The following DNA2 variants were observed in gnomAD, a reference collection of about 807,000 sequenced individuals.
The protein encoded by DNA2 is DNA replication helicase/nuclease 2.
A neutral mutation model predicts 119.1 loss-of-function variants in DNA2; 101 were observed. That is an observed-to-expected ratio of 0.85 (90% CI 0.72 to 1.00). The LOEUF (loss-of-function observed/expected upper bound fraction) is 1.00. Among genes scored for constraint, DNA2 ranks in the 50% least tolerant of loss-of-function variants. The probability of loss-of-function intolerance (pLI) is 0.00; values close to 1 mark genes in which losing one functional copy is unlikely to be tolerated. For synonymous variants in DNA2, 366 were observed against 424.4 expected (o/e 0.86, Z 1.69); for missense variants, 1,121 against 1,255.5 (o/e 0.89, Z 1.62).
chr10:68,426,320 C>A (rs1402817994), intron 14 of DNA2, among the ~76,000 whole-genome samples: 1 of 149,488 alleles, frequency 6.7e-6, no homozygotes, highest in Non-Finnish European at 1.5e-5. Flanking sequence ...GGCGGATCAC[C>A]TGAGGTCAGA....
At chr10:68,431,181 G>T (rs1300493691) in intron 13 of DNA2, among the ~76,000 whole-genome samples, 1 of 140,536 alleles carries the variant, frequency 7.1e-6, no homozygotes, top group African/African-American at 2.8e-5. Flanking sequence ...GATCCACCTC[G>T]CCTGGCTCAC....
chr10:68,453,297 G>A (rs2052143547), intron 5 of DNA2, among the ~76,000 whole-genome samples: 1 of 152,154 alleles, frequency 6.6e-6, no homozygotes, highest in African/African-American at 2.4e-5. Context: ...TTCTAAATGT[G>A]TTAATTTCCT....
chr10:68,430,435 C>T lies in DNA2; in HGVS notation c.2208+1G>A. 1 of 1,579,596 alleles carries T rather than the reference C, an allele frequency of 6.3e-7. No individual in the cohort carries two copies. Among genetic ancestry groups the T allele is most frequent in the Non-Finnish European group, 8.7e-7 (1 of 1,156,014 alleles). Reference sequence around the variant, plus strand: ...TATTATTATACAATAATTGTGCTTACTTGACTATTGTAGAGTTCTTCTAGA... The same window carrying T: ...TATTATTATACAATAATTGTGCTTATTTGACTATTGTAGAGTTCTTCTAGA... On this transcript the variant is annotated splice_donor_variant, in intron 14 of 20. Transcript: ENST00000358410. LOFTEE classifies it high-confidence loss of function.
intron 4 of DNA2, among the ~76,000 whole-genome samples, chr10:68,461,252 A>AT (rs537644180): frequency 3.8e-4 from 58 of 152,320 alleles, no homozygotes; most frequent in African/African-American, 1.2e-3. Flanking sequence ...ATATGAATAC[A>AT]TTTTTTATCA....
chr10:68,463,227 G>A (rs1425612653), intron 4 of DNA2, among the ~76,000 whole-genome samples: 8 of 151,898 alleles, frequency 5.3e-5, no homozygotes, highest in East Asian at 1.9e-4. Flanking sequence ...GGTGGATCAC[G>A]AGGTCAGGAG....
intron 17 of DNA2, among the ~76,000 whole-genome samples, chr10:68,420,699 AT>A (rs71009059): frequency 0.077 from 10,770 of 139,730 alleles, 568 homozygotes; most frequent in African/African-American, 0.16. Context: ...AGCAATCTTG[AT>A]TTTTTTTTTT....
Position 68,416,737 on chromosome 10 carries a change from A to G in DNA2, c.3086T>C (p.Leu1029Pro). ...TTTTTCTGAGTTTAAATGATTAAGCAGCTTCTCCAAAGGAGGATAGCAATT... is the reference window on the plus strand; with the variant it reads ...TTTTTCTGAGTTTAAATGATTAAGCGGCTTCTCCAAAGGAGGATAGCAATT... Reference protein sequence around the residue: ...SLNCYPPLEKLLNHLNSEKLI... With the variant: ...SLNCYPPLEKPLNHLNSEKLI... Residue 1029 changes from leucine to proline, a missense_variant, in exon 20 of 21, where the codon CTG becomes CCG. Leu to Pro is a moderately conservative substitution (Grantham distance 98). Coordinates refer to ENST00000358410, the MANE Select transcript of DNA2 (RefSeq NM_001080449.3). The G allele has an allele frequency of 6.2e-7, 1 of 1,613,844 alleles. No homozygotes were observed.
chr10:68,442,356 T>A (rs1325376956), intron 9 of DNA2, among the ~76,000 whole-genome samples: 3 of 151,840 alleles, frequency 2.0e-5, no homozygotes, highest in Non-Finnish European at 4.4e-5. Flanking sequence ...GTAGCTGGGA[T>A]TAAAGGCGCC....
intron 7 of DNA2, 105 bp downstream of exon 7, chr10:68,446,191 A>T: frequency 1.6e-6 from 1 of 628,658 alleles, no homozygotes; most frequent in Non-Finnish European, 2.7e-6. Context: ...ACAAATTATA[A>T]CCTATTAAGT....
chr10:68,442,956 T>C lies in DNA2; in HGVS notation c.1376A>G (p.Lys459Arg), dbSNP rs781046312. 2 of 1,612,828 alleles carry C rather than the reference T, an allele frequency of 1.2e-6. No homozygotes were observed. The highest frequency in any genetic ancestry group is 1.7e-6 in the Non-Finnish European group (2 of 1,179,566). Residue 459 changes from lysine to arginine, a missense_variant, in exon 9 of 21, where the codon AAG becomes AGG. Coordinates refer to ENST00000358410, the MANE Select transcript of DNA2 (RefSeq NM_001080449.3). The stretch of plus-strand genomic sequence containing the variant: ...CATTAGCCAGATATTTTGGTGATTC[T>C]TTTTATTATCCTTCGATTGTGACTC... ...TLESQSKDNK[K>R]NHQNIWLMPA...
chr10:68,459,256 A>G, intron 4 of DNA2, 21 bp from the exon 5 acceptor site: 1 of 1,526,984 alleles, frequency 6.5e-7, no homozygotes, highest in Non-Finnish European at 8.8e-7. Context: ...TATAATAGTA[A>G]ATAGACTTAG....
intron 10 of DNA2, among the ~76,000 whole-genome samples, chr10:68,435,303 C>T (rs2051873472): frequency 6.6e-6 from 1 of 152,066 alleles, no homozygotes; most frequent in Admixed American, 6.6e-5. Flanking sequence ...CCCACCTCAG[C>T]CTCCCAGTGT....
chr10:68,457,738 A>G (rs1001784382), intron 5 of DNA2, among the ~76,000 whole-genome samples: 5 of 119,538 alleles, frequency 4.2e-5, no homozygotes, highest in South Asian at 7.6e-4. Context: ...CCACTTTGAG[A>G]AAAAAAAAAA....
At chr10:68,445,449 G>A (rs2052026195) in intron 7 of DNA2, among the ~76,000 whole-genome samples, 1 of 151,832 alleles carries the variant, frequency 6.6e-6, no homozygotes, top group African/African-American at 2.4e-5. Flanking sequence ...GGTAACAAGA[G>A]CGAAACTCGG....
chr10:68,432,931 A>G (rs1053072095), intron 10 of DNA2, among the ~76,000 whole-genome samples: 4 of 151,852 alleles, frequency 2.6e-5, no homozygotes, highest in African/African-American at 9.7e-5. Context: ...TCCCTGGTTC[A>G]TTGTACTACT....
chr10:68,416,442 G>A (rs1356805183), intron 20 of DNA2, among the ~76,000 whole-genome samples: 1 of 152,068 alleles, frequency 6.6e-6, no homozygotes, highest in Non-Finnish European at 1.5e-5. Context: ...CTGCAGCCTG[G>A]GTGACAAAGC....
intron 17 of DNA2, 97 bp from the exon 18 acceptor site, chr10:68,419,989 T>C (rs7897488): frequency 1.0e-5 from 9 of 888,512 alleles, no homozygotes; most frequent in East Asian, 2.5e-5. Context: ...GACTTGGAGA[T>C]GAAAAATAGC....
chr10:68,459,369 G>A (rs1395844948), intron 4 of DNA2, 134 bp from the exon 5 acceptor site: 19 of 875,788 alleles, frequency 2.2e-5, no homozygotes, highest in African/African-American at 5.1e-5. Flanking sequence ...CCAACTGTTC[G>A]TCAGCCAATA....
At chr10:68,446,864 G>T (rs943785328) in intron 6 of DNA2, among the ~76,000 whole-genome samples, 1 of 152,170 alleles carries the variant, frequency 6.6e-6, no homozygotes. Context: ...GGTGGTGCGG[G>T]GGGAGAAGTG....
Sources: allele counts gnomAD v4.1 joint callset (sites outside exome capture counted in the v4.1 genomes callset), GRCh38; gene constraint gnomAD v4.1.1; transcripts MANE v1.5; gene names NCBI Gene and HGNC (gene_info 2026-07-23, HGNC 2026-07-21).